The following ATG10 variants were observed in gnomAD, a reference collection of about 807,000 sequenced individuals.
ATG10 encodes the protein ubiquitin-like-conjugating enzyme ATG10.
A neutral mutation model predicts 32.1 loss-of-function variants in ATG10; 30 were observed. The observed-to-expected ratio is 0.94, with a 90% CI of 0.70 to 1.27. ATG10 has a LOEUF of 1.27. Among genes scored for constraint, ATG10 ranks in the 50% most tolerant of loss-of-function variants. The pLI is 0.00. For missense variants in ATG10, 233 were observed against 262.3 expected (o/e 0.89, Z 0.77); for synonymous variants, 87 against 91.5 (o/e 0.95, Z 0.28).
intron 3 of ATG10, among the ~76,000 whole-genome samples, chr5:82,094,547 C>G (rs1371848108): frequency 6.6e-6 from 1 of 151,942 alleles, no homozygotes; most frequent in African/African-American, 2.4e-5. Flanking sequence ...TTTGATGTTG[C>G]AGTTCCAAAT....
chr5:82,118,316 G>GTGTA (rs1554049247), intron 3 of ATG10, among the ~76,000 whole-genome samples: 43 of 135,616 alleles, frequency 3.2e-4, no homozygotes, highest in Non-Finnish European at 6.0e-4. Flanking sequence ...GTGTGTGTGT[G>GTGTA]TATATATATA....
chr5:82,164,283 A>AAG, intron 3 of ATG10, 116 bp from the exon 4 acceptor site: 1 of 1,042,790 alleles, frequency 9.6e-7, no homozygotes, highest in Non-Finnish European at 1.4e-6. Context: ...CTTGCCTCAT[A>AAG]GCCTTATATT....
chr5:81,979,895 T>C (rs1476915199), intron 1 of ATG10, among the ~76,000 whole-genome samples: 2 of 151,886 alleles, frequency 1.3e-5, no homozygotes, highest in East Asian at 1.9e-4. Flanking sequence ...CATTTGCTTA[T>C]GATTGTAGTT....
Position 82,205,958 on chromosome 5 carries a change from GAGAA to G in ATG10, c.453+27375_453+27378del, listed in dbSNP as rs1480534540. On this transcript the variant is annotated intron_variant, in intron 5 of 7. Coordinates refer to ENST00000282185, the MANE Select transcript of ATG10 (RefSeq NM_031482.5). ...TAGAACCTAAGTTTAATAAGGAAGA[GAGAA>G]AGAGAGCTATAGAAAAAGGGGACTA... 8.5e-5 allele frequency among the ~76,000 whole-genome samples: 13 copies of G among 152,280 alleles called. No homozygotes were observed. In the South Asian group the frequency reaches 1.9e-3, roughly 22 times the overall value.
chr5:82,249,759 G>GA (rs1198764887), intron 5 of ATG10, among the ~76,000 whole-genome samples: 2 of 152,080 alleles, frequency 1.3e-5, no homozygotes, highest in African/African-American at 2.4e-5. Flanking sequence ...TATGTGGAAT[G>GA]AAAAAAAGAT....
At chr5:82,216,333 G>A (rs1278358344) in intron 5 of ATG10, among the ~76,000 whole-genome samples, 2 of 152,152 alleles carry the variant, frequency 1.3e-5, no homozygotes, top group African/African-American at 4.8e-5. Context: ...GTATATCCTG[G>A]TCTAAAAATA....
At chr5:82,252,691 T>C (rs1747316375) in intron 6 of ATG10, 32 bp downstream of exon 6, 2 of 1,278,676 alleles carry the variant, frequency 1.6e-6, no homozygotes, top group South Asian at 1.3e-5. Context: ...CATTGGCTTC[T>C]ACTCTGATTT....
chr5:82,145,611 C>G (rs1035458535), intron 3 of ATG10, among the ~76,000 whole-genome samples: 1 of 152,038 alleles, frequency 6.6e-6, no homozygotes, highest in Non-Finnish European at 1.5e-5. Flanking sequence ...TCAGTGTGTA[C>G]AGATGTACAT....
chr5:82,203,323 G>T (rs926177483), intron 5 of ATG10, among the ~76,000 whole-genome samples: 2 of 152,010 alleles, frequency 1.3e-5, no homozygotes, highest in African/African-American at 2.4e-5. Context: ...TACCCTCCCT[G>T]CACAGTTCCA....
intron 3 of ATG10, among the ~76,000 whole-genome samples, chr5:82,116,401 A>G (rs932684435): frequency 3.3e-5 from 5 of 152,122 alleles, no homozygotes; most frequent in Non-Finnish European, 5.9e-5. Flanking sequence ...TTATTAATAA[A>G]GATGTATGAA....
chr5:82,204,595 G>A (rs1229490030), intron 5 of ATG10, among the ~76,000 whole-genome samples: 1 of 152,180 alleles, frequency 6.6e-6, no homozygotes, highest in African/African-American at 2.4e-5. Context: ...AGGACTGGAA[G>A]CAAGGAGAGA....
At chr5:82,049,146 C>G (rs1158506035) in intron 2 of ATG10, among the ~76,000 whole-genome samples, 27 of 151,418 alleles carry the variant, frequency 1.8e-4, no homozygotes, top group Admixed American at 1.4e-3. Flanking sequence ...TTGGAACCAA[C>G]CCAAATGTCC....
intron 3 of ATG10, among the ~76,000 whole-genome samples, chr5:82,099,442 G>C (rs1169758594): frequency 1.3e-5 from 2 of 151,684 alleles, no homozygotes; most frequent in Non-Finnish European, 2.9e-5. Flanking sequence ...AAATATTTCT[G>C]TATATTATTT....
chr5:82,030,488 C>T (rs969599151), intron 2 of ATG10, among the ~76,000 whole-genome samples: 5 of 152,334 alleles, frequency 3.3e-5, no homozygotes, highest in African/African-American at 9.6e-5. Flanking sequence ...TTGTCCGCTT[C>T]TCCATGTCTG....
At chr5:81,994,753 T>C (rs1013340745) in intron 2 of ATG10, among the ~76,000 whole-genome samples, 6 of 152,242 alleles carry the variant, frequency 3.9e-5, no homozygotes, top group African/African-American at 1.4e-4. Flanking sequence ...TCTAGCCTTC[T>C]TAGTTTGCAG....
chr5:82,037,750 A>G (rs1307296519), intron 2 of ATG10, among the ~76,000 whole-genome samples: 1 of 152,142 alleles, frequency 6.6e-6, no homozygotes, highest in Non-Finnish European at 1.5e-5. Flanking sequence ...ATTCTATTCA[A>G]AGTTTTAACA....
chr5:82,133,828 G>A (rs535761221), intron 3 of ATG10, among the ~76,000 whole-genome samples: 7 of 152,130 alleles, frequency 4.6e-5, no homozygotes, highest in East Asian at 3.9e-4. Context: ...CCATTTTCAC[G>A]ATACTGATTC....
intron 1 of ATG10, among the ~76,000 whole-genome samples, chr5:81,975,712 G>C (rs1431612201): frequency 6.6e-6 from 1 of 151,734 alleles, no homozygotes; most frequent in Non-Finnish European, 1.5e-5. Context: ...GACCTCTCAG[G>C]ATGATTTGGG....
chr5:81,979,786 A>G lies in ATG10; in HGVS notation c.-13+7480A>G, dbSNP rs1760983172. On this transcript the variant is annotated intron_variant, in intron 1 of 7. Coordinates refer to ENST00000282185, the MANE Select transcript of ATG10 (RefSeq NM_031482.5). ...GTTTAGGCATAAGTTTCTTTCCAGC[A>G]GCTTTGTTTTTTTTAGAAACATGGT... Among the ~76,000 whole-genome samples the G allele has an allele frequency of 2.7e-5, 4 of 149,352 alleles. No homozygotes were observed. In the South Asian group the frequency reaches 8.4e-4, roughly 31 times the overall value.
Sources: gnomAD v4.1 joint callset for allele counts (sites outside exome capture counted in the v4.1 genomes callset) on GRCh38, gnomAD v4.1.1 for gene constraint, MANE v1.5 for transcripts, NCBI Gene and HGNC (gene_info 2026-07-23, HGNC 2026-07-21) for gene names.